Variants in ERICH3 observed in about 807,000 individuals in gnomAD.
The protein encoded by ERICH3 is glutamate-rich protein 3.
Under a neutral mutation model 131.1 loss-of-function variants are expected in ERICH3, and 126 were observed. That is an observed-to-expected ratio of 0.96 (90% CI 0.83 to 1.11). The LOEUF is 1.11. Among genes scored for constraint, ERICH3 ranks in the 50% most tolerant of loss-of-function variants. ERICH3 has a pLI of 0.00. For missense variants in ERICH3, 2,050 were observed against 1,810.7 expected (o/e 1.13, Z -2.40); for synonymous variants, 695 against 644.6 (o/e 1.08, Z -1.18).
chr1:74,570,118 C>T lies in ERICH3; in HGVS notation c.*340G>A, dbSNP rs539666745. 1.3e-5 allele frequency: 2 copies of T among 152,328 alleles called. No individual in the cohort carries two copies. The highest frequency in any genetic ancestry group is 3.4e-3 in the Middle Eastern group (1 of 294). The allele number at this position is 152,328 out of a possible 1,614,324, so 9.4% of individuals were successfully genotyped here. A position where few individuals can be genotyped will look rare whatever the true frequency, so the allele number is the denominator to read the frequency against. On this transcript the variant is annotated 3_prime_UTR_variant, in exon 15 of 15. Coordinates refer to ENST00000326665, the MANE Select transcript of ERICH3 (RefSeq NM_001002912.5). ...CAAACCCCTAACATTAGGACTGGGC[C>T]TTCCAGTGATCTTTGGTAAAAGTCA...
Position 74,614,599 on chromosome 1 carries a change from C to G in ERICH3, c.1001-1790G>C, listed in dbSNP as rs553351478. 3.3e-5 allele frequency among the ~76,000 whole-genome samples: 5 copies of G among 151,380 alleles called. No individual in the cohort carries two copies. In the East Asian group the frequency reaches 9.7e-4, roughly 29 times the overall value. ...GGCTGAGGCAGGAGAATGGCGTGAA[C>G]CCGGGAGGCGGAGCTTGCAGCGAGC... is the stretch of plus-strand genomic sequence containing the variant. On this transcript the variant is annotated intron_variant, in intron 8 of 14. Transcript: ENST00000326665.
At chr1:74,659,148 T>TAATA (rs1363863208) in intron 1 of ERICH3, among the ~76,000 whole-genome samples, 1 of 152,140 alleles carries the variant, frequency 6.6e-6, no homozygotes, top group Non-Finnish European at 1.5e-5. Flanking sequence ...GAGAACTGAA[T>TAATA]AAGTGCCTGG....
At position 74,620,809 on chromosome 1, in the gene ERICH3, C is replaced by T. The variant is rs1649182911; in HGVS notation, c.925G>A (p.Asp309Asn). ...HLSSDNPDFR[D>N]EIKVYQQHCG... ...TGCTGCTGATAAACTTTAATTTCAT[C>T]CCGGAAGTCAGGATTATCAGAAGAT... The change falls in exon 8 of 15, where the codon GAT becomes AAT. Residue 309 changes from aspartate (D) to asparagine (N), a missense_variant. By Grantham distance (23) the Asp-to-Asn change is conservative (BLOSUM62 1). Coordinates refer to ENST00000326665, the MANE Select transcript of ERICH3 (RefSeq NM_001002912.5). The T allele has an allele frequency of 1.2e-6, 2 of 1,613,458 alleles. No individual in the cohort carries two copies. The highest frequency in any genetic ancestry group is 1.7e-6 in the Non-Finnish European group (2 of 1,179,688).
intron 12 of ERICH3, among the ~76,000 whole-genome samples, chr1:74,582,162 C>A (rs942958451): frequency 6.6e-6 from 1 of 152,172 alleles, no homozygotes; most frequent in African/African-American, 2.4e-5. Flanking sequence ...GAACACTGAA[C>A]AATTAGAGGC....
intron 7 of ERICH3, among the ~76,000 whole-genome samples, chr1:74,626,600 T>C (rs1649423853): frequency 6.6e-6 from 1 of 152,194 alleles, no homozygotes; most frequent in Non-Finnish European, 1.5e-5. Context: ...TATGAAACTT[T>C]CCACATTTTC....
Position 74,600,070 on chromosome 1 carries a change from T to C in ERICH3, c.1490-139A>G, listed in dbSNP as rs547891167. ...TGCTTCTTCTTTTTCGTTCAATTAGTGAACATGGAAAACTAACAGCAAATG... is the reference window on the plus strand; with the variant it reads ...TGCTTCTTCTTTTTCGTTCAATTAGCGAACATGGAAAACTAACAGCAAATG... On this transcript the variant is annotated intron_variant, in intron 10 of 14. Coordinates refer to ENST00000326665, the MANE Select transcript of ERICH3 (RefSeq NM_001002912.5). The C allele has an allele frequency of 9.8e-6, 6 of 614,128 alleles. No individual in the cohort carries two copies. In the South Asian group the frequency reaches 1.4e-4, roughly 15 times the overall value. The allele number at this position is 614,128 out of a possible 1,614,324, so 38.0% of individuals were successfully genotyped here. A position where few individuals can be genotyped will look rare whatever the true frequency, so the allele number is the denominator to read the frequency against.
chr1:74,612,374 T>G (rs1648736968), intron 9 of ERICH3, among the ~76,000 whole-genome samples: 1 of 152,180 alleles, frequency 6.6e-6, no homozygotes, highest in African/African-American at 2.4e-5. Flanking sequence ...ACAGGAGAGA[T>G]AGAAAGTGAA....
chr1:74,596,867 TG>T (rs1647876389), intron 11 of ERICH3, among the ~76,000 whole-genome samples: 1 of 151,934 alleles, frequency 6.6e-6, no homozygotes, highest in Non-Finnish European at 1.5e-5. Flanking sequence ...CTATCACTCA[TG>T]GGCTGCTCAG....
chr1:74,596,686 C>T (rs111905273), intron 11 of ERICH3, among the ~76,000 whole-genome samples: 1 of 152,072 alleles, frequency 6.6e-6, no homozygotes, highest in Non-Finnish European at 1.5e-5. Context: ...TTCCCCTCAA[C>T]CTTATAACAT....
intron 1 of ERICH3, among the ~76,000 whole-genome samples, chr1:74,665,754 C>G (rs1246888044): frequency 6.6e-6 from 1 of 152,026 alleles, no homozygotes; most frequent in East Asian, 1.9e-4. Context: ...CAGATATTGG[C>G]CTGATTTAAC....
chr1:74,625,436 T>A (rs1335577419), intron 7 of ERICH3: 1 of 152,122 alleles, frequency 6.6e-6, no homozygotes, highest in African/African-American at 2.4e-5. Flanking sequence ...CCTGGTTCTA[T>A]CTGCTAACTT....
At position 74,589,956 on chromosome 1, in the gene ERICH3, C is replaced by A; in HGVS notation, c.1851G>T (p.Arg617Ser). Residue 617 changes from arginine (R) to serine (S), a missense_variant, in exon 12 of 15, where the codon AGG (arginine) becomes AGT (serine). Physicochemically the swap from Arg to Ser is moderately radical, Grantham distance 110 (BLOSUM62 -1). Transcript: ENST00000326665. ...TTTCACTCAGTTCCTGAGAAGATGA[C>A]CTTCTGGCACTTTCATCTGTGCTGC... ...TDSSTDESAR[R>S]SSSQELSEND... 1.2e-6 allele frequency: 2 copies of A among 1,613,982 alleles called. No homozygotes were observed. Among genetic ancestry groups the A allele is most frequent in the Non-Finnish European group, 1.7e-6 (2 of 1,179,934 alleles).
chr1:74,640,061 T>C (rs1480306249), intron 5 of ERICH3, among the ~76,000 whole-genome samples: 1 of 152,198 alleles, frequency 6.6e-6, no homozygotes, highest in Non-Finnish European at 1.5e-5. Context: ...CTGGTTTCAG[T>C]GTTTCCTGTA....
At chr1:74,652,126 G>A (rs1037820300) in intron 1 of ERICH3, among the ~76,000 whole-genome samples, 13 of 152,056 alleles carry the variant, frequency 8.5e-5, no homozygotes, top group Admixed American at 6.6e-4. Flanking sequence ...AATAATAACC[G>A]GCTCAGTTAT....
At chr1:74,615,979 G>T (rs1648944161) in intron 8 of ERICH3, among the ~76,000 whole-genome samples, 2 of 151,916 alleles carry the variant, frequency 1.3e-5, no homozygotes, top group African/African-American at 2.4e-5. Context: ...TGTAGTTTGG[G>T]TTTTTTTATT....
At chr1:74,574,731 A>G (rs1362280365) in intron 13 of ERICH3, among the ~76,000 whole-genome samples, 3 of 152,214 alleles carry the variant, frequency 2.0e-5, no homozygotes, top group Non-Finnish European at 4.4e-5. Flanking sequence ...ATATGTTTTT[A>G]ATGGAACAAA....
rs191938771 is a variant in ERICH3, at chr1:74,586,332, T to C, written c.2176+3299A>G. The C allele has an allele frequency of 8.4e-4, 726 of 863,502 alleles. 1 individual carries two copies. In the African/African-American group the frequency reaches 0.011, roughly 13 times the overall value. The allele number at this position is 863,502 out of a possible 1,614,324, so 53.5% of individuals were successfully genotyped here. ...TACATAAAAATAACATATGTATATG[T>C]ATCTTTGTAATATAGCAATATATAT... is the stretch of plus-strand genomic sequence containing the variant. On this transcript the variant is annotated intron_variant, in intron 12 of 14. Coordinates refer to ENST00000326665, the MANE Select transcript of ERICH3 (RefSeq NM_001002912.5).
chr1:74,612,220 A>C (rs891245014), intron 9 of ERICH3, among the ~76,000 whole-genome samples: 11 of 152,192 alleles, frequency 7.2e-5, no homozygotes, highest in African/African-American at 2.7e-4. Context: ...AGTCATGTAA[A>C]TCAGATGCTT....
At chr1:74,649,120 A>G in intron 2 of ERICH3, 102 bp downstream of exon 2, 1 of 734,450 alleles carries the variant, frequency 1.4e-6, no homozygotes, top group Non-Finnish European at 2.2e-6. Flanking sequence ...TTCTAAAATG[A>G]GGGCAAGTGG....
Sources: allele counts gnomAD v4.1 joint callset (sites outside exome capture counted in the v4.1 genomes callset), GRCh38; gene constraint gnomAD v4.1.1; transcripts MANE v1.5; gene names NCBI Gene and HGNC (gene_info 2026-07-23, HGNC 2026-07-21).